The following MPHOSPH9 variants were observed in gnomAD, a reference collection of about 807,000 sequenced individuals.
MPHOSPH9 encodes the protein M-phase phosphoprotein 9.
Under a neutral mutation model 145.5 loss-of-function variants are expected in MPHOSPH9, and 88 were observed. That is an observed-to-expected ratio of 0.60 (90% CI 0.51 to 0.72). The LOEUF (loss-of-function observed/expected upper bound fraction) is 0.72, where lower values mean the gene tolerates loss of function less well. MPHOSPH9 is among the 30% of genes least tolerant of loss of function. MPHOSPH9 has a pLI of 0.00. For synonymous variants in MPHOSPH9, 435 were observed against 486.2 expected (o/e 0.89, Z 1.39); for missense variants, 1,238 against 1,386.6 (o/e 0.89, Z 1.70).
At chr12:123,168,724 C>G (rs2044437187) in intron 16 of MPHOSPH9, among the ~76,000 whole-genome samples, 1 of 152,028 alleles carries the variant, frequency 6.6e-6, no homozygotes, top group African/African-American at 2.4e-5. Flanking sequence ...CTCAAACCTC[C>G]CATCCCACCT....
intron 13 of MPHOSPH9, among the ~76,000 whole-genome samples, chr12:123,186,152 G>A (rs990926257): frequency 1.3e-5 from 2 of 148,642 alleles, no homozygotes; most frequent in Non-Finnish European, 3.0e-5. Context: ...GCTTGAACCC[G>A]GGAGGCGGAG....
At chr12:123,191,131 GACCA>G in intron 13 of MPHOSPH9, among the ~76,000 whole-genome samples, 1 of 152,012 alleles carries the variant, frequency 6.6e-6, no homozygotes, top group Non-Finnish European at 1.5e-5. Context: ...AGACCAGCCT[GACCA>G]ACATGGAGAA....
At chr12:123,162,918 T>G in intron 20 of MPHOSPH9, 96 bp downstream of exon 20, 1 of 1,213,288 alleles carries the variant, frequency 8.2e-7, no homozygotes, top group Non-Finnish European at 1.1e-6. Flanking sequence ...TTCCCACTGG[T>G]AACTGAAAAA....
intron 13 of MPHOSPH9, among the ~76,000 whole-genome samples, chr12:123,186,677 C>T (rs141096014): frequency 1.3e-5 from 2 of 152,220 alleles, no homozygotes; most frequent in African/African-American, 4.8e-5. Context: ...ATAACAATAT[C>T]GAGCCAGCCA....
intron 16 of MPHOSPH9, among the ~76,000 whole-genome samples, chr12:123,172,871 CTTTT>C (rs1161727056): frequency 2.8e-4 from 16 of 57,960 alleles, no homozygotes; most frequent in East Asian, 1.8e-3. Context: ...TTTTCATTCA[CTTTT>C]TTTTTTTTTT....
At position 123,157,817 on chromosome 12, in the gene MPHOSPH9, C is replaced by T. The variant is rs1306799021; in HGVS notation, c.3451-909G>A. Among the ~76,000 whole-genome samples, 7 of 151,958 alleles carry T rather than the reference C, an allele frequency of 4.6e-5. No homozygotes were observed. The South Asian group carries it at 1.5e-3, about 32-fold the overall frequency. On this transcript the variant is annotated intron_variant, in intron 23 of 23. Coordinates refer to ENST00000606320, the MANE Select transcript of MPHOSPH9 (RefSeq NM_022782.4). The stretch of plus-strand genomic sequence containing the variant: ...TTAGTTAATTTATTCAGTATTAATT[C>T]CAATGGTGTCCTGAAATAAAACTTA...
intron 11 of MPHOSPH9, among the ~76,000 whole-genome samples, chr12:123,199,016 CTTTTT>C (rs976810779): frequency 6.6e-6 from 1 of 150,558 alleles, no homozygotes; most frequent in African/African-American, 2.4e-5. Context: ...TTTTTTCTTT[CTTTTT>C]TTGAGACAGG....
At chr12:123,185,686 A>G (rs1344560632) in intron 13 of MPHOSPH9, among the ~76,000 whole-genome samples, 1 of 152,178 alleles carries the variant, frequency 6.6e-6, no homozygotes, top group Non-Finnish European at 1.5e-5. Flanking sequence ...TTGAGGCTGC[A>G]GTGAGCTATG....
At chr12:123,225,688 A>C (rs2047413635) in intron 3 of MPHOSPH9, among the ~76,000 whole-genome samples, 1 of 152,276 alleles carries the variant, frequency 6.6e-6, no homozygotes, top group Non-Finnish European at 1.5e-5. Context: ...CCAGAAGTTA[A>C]AATACATTGT....
intron 23 of MPHOSPH9, among the ~76,000 whole-genome samples, chr12:123,158,554 A>C (rs1406071939): frequency 2.0e-5 from 3 of 152,114 alleles, no homozygotes; most frequent in East Asian, 1.9e-4. Flanking sequence ...GTGCCAATGC[A>C]CTCCAGCCTG....
At chr12:123,169,768 T>C (rs2044492805) in intron 16 of MPHOSPH9, among the ~76,000 whole-genome samples, 1 of 151,622 alleles carries the variant, frequency 6.6e-6, no homozygotes, top group South Asian at 2.1e-4. Context: ...GCCCAGCTAA[T>C]TTTTGTATTT....
chr12:123,182,876 C>T (rs144612827), intron 13 of MPHOSPH9, among the ~76,000 whole-genome samples: 63 of 151,360 alleles, frequency 4.2e-4, no homozygotes, highest in African/African-American at 1.5e-3. Flanking sequence ...AGGGCACCAC[C>T]GCACTCCAGC....
chr12:123,212,126 T>A (rs1406102311), intron 7 of MPHOSPH9, among the ~76,000 whole-genome samples: 1 of 152,060 alleles, frequency 6.6e-6, no homozygotes, highest in African/African-American at 2.4e-5. Flanking sequence ...TCATGCAGTA[T>A]ATAGGTGGTA....
intron 23 of MPHOSPH9, chr12:123,160,423 T>G (rs1320640598): frequency 9.9e-6 from 2 of 201,096 alleles, no homozygotes; most frequent in Admixed American, 1.1e-4. Context: ...AGAAATAAAT[T>G]ACAGATTTGA....
intron 4 of MPHOSPH9, 138 bp downstream of exon 4, chr12:123,222,900 C>A (rs1182947012): frequency 2.0e-6 from 1 of 505,400 alleles, no homozygotes; most frequent in Non-Finnish European, 3.2e-6. Context: ...CAAGCCACTG[C>A]ACTCCAACCT....
At chr12:123,207,557 A>G (rs1223746555) in intron 8 of MPHOSPH9, among the ~76,000 whole-genome samples, 2 of 152,232 alleles carry the variant, frequency 1.3e-5, no homozygotes, top group South Asian at 2.1e-4. Context: ...TACCTGATCA[A>G]AATACAGAAA....
At chr12:123,163,615 T>C (rs1188385642) in intron 19 of MPHOSPH9, among the ~76,000 whole-genome samples, 2 of 152,190 alleles carry the variant, frequency 1.3e-5, no homozygotes, top group African/African-American at 4.8e-5. Flanking sequence ...ATTAATTTGA[T>C]TGAATTAATG....
chr12:123,170,177 C>T (rs1050914572), intron 16 of MPHOSPH9, among the ~76,000 whole-genome samples: 1 of 151,714 alleles, frequency 6.6e-6, no homozygotes, highest in Non-Finnish European at 1.5e-5. Flanking sequence ...GAGTCTCGCT[C>T]TGTCACCCAG....
chr12:123,237,416 G>A (rs550833467), upstream of MPHOSPH9, among the ~76,000 whole-genome samples: 15 of 152,208 alleles, frequency 9.9e-5, no homozygotes, highest in African/African-American at 3.1e-4. Flanking sequence ...GGTGACAAGC[G>A]AAACTCCGGC....
Sources: allele counts gnomAD v4.1 joint callset (sites outside exome capture counted in the v4.1 genomes callset), GRCh38; gene constraint gnomAD v4.1.1; transcripts MANE v1.5; gene names NCBI Gene and HGNC (gene_info 2026-07-23, HGNC 2026-07-21).